The following EBF1 variants were observed in gnomAD, a reference collection of about 807,000 sequenced individuals.
EBF1 encodes transcription factor COE1.
In EBF1, 10 loss-of-function variants were observed where a neutral mutation model predicts 68.4. The observed-to-expected ratio is 0.15, with a 90% CI of 0.09 to 0.25. EBF1 has a LOEUF of 0.25. EBF1 is among the 10% of genes least tolerant of loss of function. The probability of loss-of-function intolerance (pLI) is 1.00; values close to 1 mark genes in which losing one functional copy is unlikely to be tolerated. For synonymous variants in EBF1, 298 were observed against 299.8 expected, an observed-to-expected ratio of 0.99 and a Z score of 0.06; for missense variants, 509 against 794.4, an observed-to-expected ratio of 0.64 and a Z score of 4.32.
At chr5:159,064,315 A>T (rs1302819720) in intron 6 of EBF1, among the ~76,000 whole-genome samples, 1 of 152,184 alleles carries the variant, frequency 6.6e-6, no homozygotes, top group Non-Finnish European at 1.5e-5. Context: ...GAAATAAAAG[A>T]GACATTATGA....
intron 11 of EBF1, among the ~76,000 whole-genome samples, chr5:158,730,302 AT>A (rs1043443775): frequency 7.9e-5 from 12 of 152,196 alleles, no homozygotes; most frequent in African/African-American, 2.7e-4. Flanking sequence ...TTAATGTGCT[AT>A]TATTTTTATG....
chr5:159,030,292 A>C (rs980141050), intron 6 of EBF1, among the ~76,000 whole-genome samples: 1 of 152,128 alleles, frequency 6.6e-6, no homozygotes, highest in Non-Finnish European at 1.5e-5. Flanking sequence ...AATGCAATTA[A>C]ATTACTTTTC....
At chr5:158,755,587 TATTGGG>T (rs1769896701) in intron 10 of EBF1, among the ~76,000 whole-genome samples, 2 of 152,192 alleles carry the variant, frequency 1.3e-5, no homozygotes, top group African/African-American at 4.8e-5. Context: ...CCTAAATCTT[TATTGGG>T]ATTAACTAGC....
intron 5 of EBF1, among the ~76,000 whole-genome samples, chr5:159,076,747 C>T (rs1172183819): frequency 6.6e-6 from 1 of 152,184 alleles, no homozygotes; most frequent in Admixed American, 6.5e-5. Flanking sequence ...TTCTGTTCTG[C>T]ACCTCAAAAT....
At chr5:158,828,377 G>A (rs1430810604) in intron 7 of EBF1, among the ~76,000 whole-genome samples, 1 of 151,946 alleles carries the variant, frequency 6.6e-6, no homozygotes, top group Non-Finnish European at 1.5e-5. Flanking sequence ...TTAAAATGAG[G>A]CCATTAGAGA....
chr5:158,867,880 GA>G (rs887621931), intron 6 of EBF1, among the ~76,000 whole-genome samples: 2 of 152,142 alleles, frequency 1.3e-5, no homozygotes, highest in African/African-American at 4.8e-5. Context: ...GCTCCTCTTT[GA>G]TGAGCATTCG....
intron 6 of EBF1, among the ~76,000 whole-genome samples, chr5:158,913,753 C>T (rs973287278): frequency 2.0e-5 from 3 of 152,160 alleles, no homozygotes; most frequent in Non-Finnish European, 4.4e-5. Context: ...AATTCGAGTT[C>T]GTGGAGGCTT....
At chr5:158,914,856 T>C (rs893932494) in intron 6 of EBF1, among the ~76,000 whole-genome samples, 4 of 152,276 alleles carry the variant, frequency 2.6e-5, no homozygotes, top group Non-Finnish European at 5.9e-5. Flanking sequence ...AAGTTAAAAA[T>C]AAGGAAATAT....
rs144147403 is a variant in EBF1, at chr5:158,697,672, G to A, written c.*1439C>T. 255 of 202,756 alleles carry A rather than the reference G, an allele frequency of 1.3e-3. 3 individuals carry two copies. Among genetic ancestry groups the A allele is most frequent in the Admixed American group, 1.8e-3 (31 of 16,758 alleles). 12.6% of individuals were successfully genotyped at this position (202,756 alleles called of 1,614,324 possible). On this transcript the variant is annotated 3_prime_UTR_variant, in exon 16 of 16. Transcript: ENST00000313708. ...TGAGCTTTTTTTCTTTGCAAAATACGCAGTAAAATCTTTTTGTGATATTGA... is the reference window on the plus strand; with the variant it reads ...TGAGCTTTTTTTCTTTGCAAAATACACAGTAAAATCTTTTTGTGATATTGA...
chr5:158,744,662 G>C (rs1767156916), intron 10 of EBF1, among the ~76,000 whole-genome samples: 2 of 152,152 alleles, frequency 1.3e-5, no homozygotes, highest in African/African-American at 4.8e-5. Context: ...TGGCAAACTT[G>C]TTTGCCCAAT....
intron 6 of EBF1, among the ~76,000 whole-genome samples, chr5:158,867,485 G>A (rs1796138195): frequency 6.6e-6 from 1 of 152,140 alleles, no homozygotes; most frequent in African/African-American, 2.4e-5. Flanking sequence ...GCCCCTGTCA[G>A]AGGCAGCTCT....
chr5:158,872,128 T>G (rs1023731260), intron 6 of EBF1, among the ~76,000 whole-genome samples: 1 of 152,076 alleles, frequency 6.6e-6, no homozygotes, highest in East Asian at 1.9e-4. Context: ...CCCATGATGG[T>G]CTTAAGCTTC....
chr5:158,738,386 T>C (rs546942868), intron 10 of EBF1, among the ~76,000 whole-genome samples: 3 of 152,250 alleles, frequency 2.0e-5, no homozygotes, highest in Non-Finnish European at 2.9e-5. Context: ...ATAAAATTTA[T>C]GCCAATTTAC....
chr5:158,804,354 T>C (rs1781176776), intron 8 of EBF1, among the ~76,000 whole-genome samples: 1 of 152,078 alleles, frequency 6.6e-6, no homozygotes, highest in African/African-American at 2.4e-5. Flanking sequence ...TCTCTTCCTA[T>C]TTTGCAGCTT....
At chr5:158,840,235 G>T in intron 6 of EBF1, 125 bp from the exon 7 acceptor site, 1 of 693,666 alleles carries the variant, frequency 1.4e-6, no homozygotes. Flanking sequence ...ATTCAGCATG[G>T]TGTTAGAGCC....
chr5:158,796,491 C>A lies in EBF1; in HGVS notation c.779-16G>T, dbSNP rs1300161471. 6.2e-7 allele frequency: 1 copy of A among 1,603,798 alleles called. No homozygotes were observed. Among genetic ancestry groups the A allele is most frequent in the Non-Finnish European group, 8.5e-7 (1 of 1,175,092 alleles). On this transcript the variant is annotated splice_polypyrimidine_tract_variant and intron_variant, in intron 8 of 15. Coordinates refer to ENST00000313708, the MANE Select transcript of EBF1 (RefSeq NM_024007.5). The stretch of plus-strand genomic sequence containing the variant: ...CAGGGAGTAGCTGCTTTTCAACACA[C>A]ATGAAAAAGAGAAGGAGTCTGCTGT...
At chr5:158,922,452 CAG>C (rs1352156189) in intron 6 of EBF1, among the ~76,000 whole-genome samples, 4 of 152,206 alleles carry the variant, frequency 2.6e-5, no homozygotes, top group African/African-American at 9.6e-5. Context: ...TGCTGGAAGA[CAG>C]AGTCAGCAAG....
At chr5:158,708,285 G>A in intron 14 of EBF1, 112 bp from the exon 15 acceptor site, 1 of 1,111,470 alleles carries the variant, frequency 9.0e-7, no homozygotes, top group Non-Finnish European at 1.3e-6. Context: ...CTCAGACGAT[G>A]CTTCCAGCAC....
chr5:158,964,335 C>A (rs1252082129), intron 6 of EBF1, among the ~76,000 whole-genome samples: 3 of 152,084 alleles, frequency 2.0e-5, no homozygotes, highest in Non-Finnish European at 4.4e-5. Flanking sequence ...AAGTGGGAGC[C>A]ACTTTAAAGC....
Sources: allele counts gnomAD v4.1 joint callset (sites outside exome capture counted in the v4.1 genomes callset), GRCh38; gene constraint gnomAD v4.1.1; transcripts MANE v1.5; gene names NCBI Gene and HGNC (gene_info 2026-07-23, HGNC 2026-07-21).